Variants in CDC73 observed in about 807,000 individuals in gnomAD.
CDC73 encodes cell division cycle 73.
Under a neutral mutation model 83.7 loss-of-function variants are expected in CDC73, and 21 were observed. That is an observed-to-expected ratio of 0.25 (90% CI 0.18 to 0.36). CDC73 has a LOEUF of 0.36. Ranked by LOEUF, CDC73 falls within the 10% of genes least tolerant of loss-of-function variation. The pLI is 1.00. For missense variants in CDC73, 342 were observed against 653.3 expected (o/e 0.52, Z 5.19); for synonymous variants, 224 against 212.9 (o/e 1.05, Z -0.45).
chr1:193,208,352 G>A (rs1041083817), intron 11 of CDC73, among the ~76,000 whole-genome samples: 1 of 151,996 alleles, frequency 6.6e-6, no homozygotes, highest in Non-Finnish European at 1.5e-5. Context: ...TTTTATTTCT[G>A]GTGCCAACAA....
At chr1:193,208,062 C>G (rs748239423) in intron 11 of CDC73, among the ~76,000 whole-genome samples, 5 of 152,200 alleles carry the variant, frequency 3.3e-5, no homozygotes, top group Non-Finnish European at 7.3e-5. Context: ...TCCCCAAGGT[C>G]TCTTACTCTA....
chr1:193,144,991 A>T (rs1372915260), intron 7 of CDC73, among the ~76,000 whole-genome samples: 1 of 152,168 alleles, frequency 6.6e-6, no homozygotes, highest in Non-Finnish European at 1.5e-5. Flanking sequence ...ACCCATAAGT[A>T]AAGAAACAAG....
At chr1:193,181,550 TCC>T in intron 10 of CDC73, 1 of 1,587,360 alleles carries the variant, frequency 6.3e-7, no homozygotes, top group Non-Finnish European at 8.5e-7. Flanking sequence ...TGTCTTCTCC[TCC>T]ACTGAAGCAT....
At chr1:193,209,429 G>A (rs1256739202) in intron 11 of CDC73, among the ~76,000 whole-genome samples, 2 of 152,062 alleles carry the variant, frequency 1.3e-5, no homozygotes, top group Non-Finnish European at 2.9e-5. Flanking sequence ...TCTCTTTTAC[G>A]ATTGAGGAAA....
intron 10 of CDC73, among the ~76,000 whole-genome samples, chr1:193,172,009 C>T (rs1041419219): frequency 6.6e-6 from 1 of 152,174 alleles, no homozygotes; most frequent in Admixed American, 6.5e-5. Flanking sequence ...ACTGCAACCT[C>T]TGTCTCCTGG....
chr1:193,195,856 G>A (rs1676994212), intron 10 of CDC73, among the ~76,000 whole-genome samples: 1 of 152,092 alleles, frequency 6.6e-6, no homozygotes, highest in South Asian at 2.1e-4. Context: ...GCTGGTTTGT[G>A]TTTTGTTGTT....
chr1:193,180,739 T>C, intron 10 of CDC73: 3 of 1,614,116 alleles, frequency 1.9e-6, no homozygotes, highest in South Asian at 2.2e-5. Flanking sequence ...GAAATAGTTA[T>C]GTCTGGGAGG....
chr1:193,195,470 A>G (rs940167940), intron 10 of CDC73, among the ~76,000 whole-genome samples: 1 of 152,138 alleles, frequency 6.6e-6, no homozygotes, highest in South Asian at 2.1e-4. Flanking sequence ...GGGTGTAAAA[A>G]TATCTGTTTA....
chr1:193,188,933 A>G (rs1676872096), intron 10 of CDC73, among the ~76,000 whole-genome samples: 1 of 149,726 alleles, frequency 6.7e-6, no homozygotes, highest in Non-Finnish European at 1.5e-5. Flanking sequence ...TACAGCTGCA[A>G]CCTCTTTCTT....
chr1:193,244,562 A>G (rs762946161), intron 15 of CDC73, among the ~76,000 whole-genome samples: 3 of 152,208 alleles, frequency 2.0e-5, no homozygotes, highest in African/African-American at 4.8e-5. Context: ...TGAACAACCA[A>G]CCAAACAAAC....
chr1:193,207,300 A>G (rs1384312833), intron 11 of CDC73, among the ~76,000 whole-genome samples: 1 of 152,240 alleles, frequency 6.6e-6, no homozygotes, highest in Non-Finnish European at 1.5e-5. Context: ...AGGCAAGATT[A>G]GAATTACTGA....
intron 13 of CDC73, among the ~76,000 whole-genome samples, chr1:193,224,408 C>G (rs1677526814): frequency 6.6e-6 from 1 of 151,300 alleles, no homozygotes; most frequent in Non-Finnish European, 1.5e-5. Flanking sequence ...CACATATACA[C>G]ATATGAAATA....
intron 7 of CDC73, among the ~76,000 whole-genome samples, chr1:193,142,626 C>T (rs1436957772): frequency 2.6e-5 from 4 of 151,612 alleles, no homozygotes; most frequent in Non-Finnish European, 5.9e-5. Context: ...TCTCTCTGCC[C>T]CCCTCCTCCT....
rs193051755 is a variant in CDC73, at chr1:193,184,627, A to G, written c.973-19168A>G. ...TCTTTAGTCTGTTGGTGATGGTTTA[A>G]TAGAAAAACTTACACTTTTGTTTTG... On this transcript the variant is annotated intron_variant, in intron 10 of 16. Transcript: ENST00000367435. Among the ~76,000 whole-genome samples, 25 of 152,070 alleles carry G rather than the reference A, an allele frequency of 1.6e-4. No homozygotes were observed. The East Asian group carries it at 4.4e-3, about 27-fold the overall frequency.
chr1:193,213,631 C>T (rs1011719027), intron 13 of CDC73, among the ~76,000 whole-genome samples: 6 of 152,166 alleles, frequency 3.9e-5, no homozygotes, highest in Non-Finnish European at 8.8e-5. Context: ...GTTGCATTCT[C>T]ATGGTACTTC....
chr1:193,157,573 G>C (rs148324999), intron 10 of CDC73, among the ~76,000 whole-genome samples: 2 of 152,318 alleles, frequency 1.3e-5, no homozygotes, highest in African/African-American at 4.8e-5. Context: ...CATGGCAACA[G>C]CCACATCCAC....
rs1678039393 is a variant in CDC73 at position 193,251,289 on chromosome 1, T to G, written c.*577T>G. 1 of 231,968 alleles carries G rather than the reference T, an allele frequency of 4.3e-6. No homozygotes were observed. The highest frequency in any genetic ancestry group is 5.6e-5 in the Admixed American group (1 of 17,716). 14.4% of individuals were successfully genotyped at this position (231,968 alleles called of 1,614,324 possible). On this transcript the variant is annotated 3_prime_UTR_variant, in exon 17 of 17. Transcript: ENST00000367435. The stretch of plus-strand genomic sequence containing the variant: ...AACTGTTCAGCCTTTTCAAGATTTC[T>G]TTATTTACAAATGATTACATTTAAA...
intron 10 of CDC73, chr1:193,186,429 T>TAA (rs914235423): frequency 2.6e-5 from 4 of 152,526 alleles, no homozygotes; most frequent in African/African-American, 7.2e-5. Flanking sequence ...AGCTGCAATG[T>TAA]AAAGCAGCCA....
chr1:193,150,445 G>T, intron 9 of CDC73, 63 bp downstream of exon 9: 3 of 1,166,932 alleles, frequency 2.6e-6, no homozygotes, highest in Non-Finnish European at 3.9e-6. Context: ...AGGCAGTGTG[G>T]CCTGATGTTT....
Sources: allele counts gnomAD v4.1 joint callset (sites outside exome capture counted in the v4.1 genomes callset), GRCh38; gene constraint gnomAD v4.1.1; transcripts MANE v1.5; gene names NCBI Gene and HGNC (gene_info 2026-07-23, HGNC 2026-07-21).